CNIH3: variants seen among roughly 807,000 people sequenced by gnomAD.
CNIH3 encodes cornichon family AMPA receptor auxiliary protein 3, also known as protein cornichon homolog 3.
In CNIH3, 14 loss-of-function variants were observed where a neutral mutation model predicts 24.1. The observed-to-expected ratio is 0.58, with a 90% confidence interval of 0.38 to 0.91. The LOEUF (loss-of-function observed/expected upper bound fraction) is 0.91. Ranked by LOEUF, CNIH3 falls within the 40% of genes least tolerant of loss-of-function variation. The pLI is 0.00. For synonymous variants in CNIH3, 68 were observed against 73.8 expected, an observed-to-expected ratio of 0.92 and a Z score of 0.40; for missense variants, 178 against 196.8, an observed-to-expected ratio of 0.90 and a Z score of 0.57.
chr1:224,504,146 G>A (rs61825794), intron 1 of CNIH3, among the ~76,000 whole-genome samples: 296 of 152,248 alleles, frequency 1.9e-3, no homozygotes, highest in Non-Finnish European at 3.5e-3. Flanking sequence ...TTAGACCTAG[G>A]TTCAAACCTG....
chr1:224,449,045 A>G (rs1210236567), intron 1 of CNIH3, among the ~76,000 whole-genome samples: 1 of 149,694 alleles, frequency 6.7e-6, no homozygotes, highest in Non-Finnish European at 1.5e-5. Context: ...GCTCACTGCA[A>G]CCTCCGCCTC....
intron 1 of CNIH3, among the ~76,000 whole-genome samples, chr1:224,455,372 G>A (rs1573088): frequency 0.97 from 147,464 of 152,270 alleles, 71,556 homozygotes; most frequent in East Asian, 1. Flanking sequence ...CCCATCCTCA[G>A]GATACACATA....
intron 4 of CNIH3, chr1:224,574,984 T>C: frequency 1.1e-6 from 1 of 875,568 alleles, no homozygotes; most frequent in East Asian, 2.4e-5. Flanking sequence ...AAGTAGGTGG[T>C]TAATCAGATT....
intron 1 of CNIH3, among the ~76,000 whole-genome samples, chr1:224,468,441 T>C (rs758157827): frequency 5.9e-5 from 9 of 152,256 alleles, no homozygotes; most frequent in Non-Finnish European, 1.3e-4. Context: ...GTAGCAATTG[T>C]AAATGGTATT....
At chr1:224,510,193 G>A (rs1373305506) in intron 1 of CNIH3, among the ~76,000 whole-genome samples, 3 of 152,160 alleles carry the variant, frequency 2.0e-5, no homozygotes, top group African/African-American at 4.8e-5. Context: ...GCCCCCGTGA[G>A]AGGCTCTGTT....
At chr1:224,443,412 C>T (rs1675001574) in intron 1 of CNIH3, among the ~76,000 whole-genome samples, 2 of 152,152 alleles carry the variant, frequency 1.3e-5, no homozygotes, top group Admixed American at 1.3e-4. Flanking sequence ...GGAATTCATA[C>T]TTGATTACTC....
chr1:224,687,853 A>G (rs758569120), intron 3 of CNIH3, among the ~76,000 whole-genome samples: 2 of 152,164 alleles, frequency 1.3e-5, no homozygotes, highest in African/African-American at 4.8e-5. Flanking sequence ...GGGATTTTAG[A>G]GGGAATTTTG....
intron 3 of CNIH3, among the ~76,000 whole-genome samples, chr1:224,707,150 C>T (rs955236144): frequency 1.3e-5 from 2 of 151,622 alleles, no homozygotes; most frequent in African/African-American, 4.8e-5. Flanking sequence ...TTTTAGTAGA[C>T]ATGGGGTTTC....
intron 3 of CNIH3, among the ~76,000 whole-genome samples, chr1:224,549,598 G>A (rs917943474): frequency 2.6e-5 from 4 of 151,720 alleles, no homozygotes; most frequent in African/African-American, 4.8e-5. Flanking sequence ...CTGTAAATAC[G>A]GAATATTATA....
intron 3 of CNIH3, among the ~76,000 whole-genome samples, chr1:224,717,239 G>T (rs779501393): frequency 6.6e-5 from 10 of 152,172 alleles, no homozygotes; most frequent in Non-Finnish European, 1.2e-4. Flanking sequence ...AGATCAGGGT[G>T]CCAGCATGAC....
chr1:224,499,599 T>A (rs1245280871), intron 1 of CNIH3, among the ~76,000 whole-genome samples: 1 of 152,196 alleles, frequency 6.6e-6, no homozygotes, highest in Non-Finnish European at 1.5e-5. Flanking sequence ...TCTAATGCCT[T>A]AGAATGGGGC....
Position 224,699,481 on chromosome 1 carries a change from T to C in CNIH3, c.198+14638T>C, listed in dbSNP as rs1179831403. 2.6e-5 allele frequency among the ~76,000 whole-genome samples: 4 copies of C among 152,168 alleles called. No individual in the cohort carries two copies. In the East Asian group the frequency reaches 7.7e-4, roughly 29 times the overall value. On this transcript the variant is annotated intron_variant, in intron 3 of 5. Coordinates refer to ENST00000272133, the MANE Select transcript of CNIH3 (RefSeq NM_152495.2). Reference sequence around the variant, plus strand: ...AGGTCTGGAGGCTAGAAGTACTAGATCAACGTGTCGGCAGGGTTGGTTCCT... The same window carrying C: ...AGGTCTGGAGGCTAGAAGTACTAGACCAACGTGTCGGCAGGGTTGGTTCCT...
chr1:224,553,562 C>G (rs991326753), intron 3 of CNIH3, among the ~76,000 whole-genome samples: 16 of 152,170 alleles, frequency 1.1e-4, no homozygotes, highest in African/African-American at 3.4e-4. Context: ...AGATTGTGGG[C>G]ATCCCTTCAG....
intron 3 of CNIH3, among the ~76,000 whole-genome samples, chr1:224,685,491 A>G (rs1403773502): frequency 6.6e-6 from 1 of 152,174 alleles, no homozygotes; most frequent in Non-Finnish European, 1.5e-5. Flanking sequence ...CTCTTTCCCA[A>G]AAAAGTGTGT....
At chr1:224,650,306 A>G (rs1322027010) in intron 1 of CNIH3, among the ~76,000 whole-genome samples, 2 of 151,992 alleles carry the variant, frequency 1.3e-5, no homozygotes, top group East Asian at 1.9e-4. Flanking sequence ...CCTAAGGAGC[A>G]TTTTTCCACG....
At chr1:224,647,991 A>T (rs1228803162) in intron 1 of CNIH3, among the ~76,000 whole-genome samples, 1 of 152,134 alleles carries the variant, frequency 6.6e-6, no homozygotes, top group Non-Finnish European at 1.5e-5. Flanking sequence ...TATACTGATG[A>T]ATTCTGTTTC....
intron 3 of CNIH3, among the ~76,000 whole-genome samples, chr1:224,606,691 G>A (rs1444807199): frequency 1.3e-5 from 2 of 152,240 alleles, no homozygotes; most frequent in Admixed American, 6.5e-5. Flanking sequence ...GCTGGGGACC[G>A]CCATCTTCTA....
Position 224,684,843 on chromosome 1 carries a change from G to A in CNIH3, c.198G>A (p.Lys66=). The change falls in exon 3 of 6, where the codon AAG becomes AAA. Residue 66 remains lysine, a splice_region_variant and synonymous_variant. Coordinates refer to ENST00000272133, the MANE Select transcript of CNIH3 (RefSeq NM_152495.2). This position sits in a 1 kb window ranked among gnomAD's most constrained non-coding sequence, Gnocchi z 4.2. ...NIERICFLLR[K]LVLPEYSIHS... is the part of the protein sequence containing the mutation. ...AGCGCATCTGCTTCCTTCTGCGAAA[G>A]GTCAGTGTGGCAGCTTCATGCCGAG... 4.3e-6 allele frequency: 7 copies of A among 1,614,026 alleles called. No homozygotes were observed. Among genetic ancestry groups the A allele is most frequent in the Non-Finnish European group, 5.9e-6 (7 of 1,179,870 alleles).
At chr1:224,462,239 A>G (rs1172457099) in intron 1 of CNIH3, among the ~76,000 whole-genome samples, 1 of 152,186 alleles carries the variant, frequency 6.6e-6, no homozygotes, top group African/African-American at 2.4e-5. Flanking sequence ...GGTGTCGTAC[A>G]TTCTATGGGT....
Sources: gnomAD v4.1 joint callset for allele counts (sites outside exome capture counted in the v4.1 genomes callset) on GRCh38, gnomAD v4.1.1 for gene constraint, Gnocchi (gnomAD v3.1) non-coding constraint, MANE v1.5 for transcripts, NCBI Gene and HGNC (gene_info 2026-07-23, HGNC 2026-07-21) for gene names.